The following CRY1 variants were observed in gnomAD, a reference collection of about 807,000 sequenced individuals.
The protein encoded by CRY1 is cryptochrome circadian regulator 1.
In CRY1, 45 loss-of-function variants were observed where a neutral mutation model predicts 76.0. The observed-to-expected ratio is 0.59, with a 90% CI of 0.47 to 0.76. The LOEUF (loss-of-function observed/expected upper bound fraction) is 0.76, where lower values mean the gene tolerates loss of function less well. Ranked by LOEUF, CRY1 falls within the 30% of genes least tolerant of loss-of-function variation. The probability of loss-of-function intolerance (pLI) is 0.00; values close to 1 mark genes in which losing one functional copy is unlikely to be tolerated. For missense variants in CRY1, 587 were observed against 716.4 expected, an observed-to-expected ratio of 0.82 and a Z score of 2.06; for synonymous variants, 248 against 244.0, an observed-to-expected ratio of 1.02 and a Z score of -0.15.
intron 1 of CRY1, among the ~76,000 whole-genome samples, chr12:107,040,451 A>G (rs890809536): frequency 6.6e-6 from 1 of 151,624 alleles, no homozygotes; most frequent in Non-Finnish European, 1.5e-5. Flanking sequence ...ACACCTGGCT[A>G]ATTTTTGTAT....
At chr12:107,079,557 T>C (rs1953297310) in intron 1 of CRY1, among the ~76,000 whole-genome samples, 1 of 152,118 alleles carries the variant, frequency 6.6e-6, no homozygotes, top group Admixed American at 6.6e-5. Flanking sequence ...AACAAAAAAG[T>C]ACTAAACAAC....
At chr12:107,057,886 C>G (rs1209816904) in intron 1 of CRY1, among the ~76,000 whole-genome samples, 1 of 151,498 alleles carries the variant, frequency 6.6e-6, no homozygotes, top group African/African-American at 2.4e-5. Context: ...AAGTGAGACG[C>G]CGTCTCTCCA....
At chr12:107,025,598 C>T (rs1465936256) in intron 1 of CRY1, among the ~76,000 whole-genome samples, 1 of 152,030 alleles carries the variant, frequency 6.6e-6, no homozygotes, top group Non-Finnish European at 1.5e-5. Flanking sequence ...TAGTGTTCTC[C>T]TTCCTTTCCA....
chr12:107,027,501 C>T (rs1055947938), intron 1 of CRY1, among the ~76,000 whole-genome samples: 3 of 152,104 alleles, frequency 2.0e-5, no homozygotes, highest in African/African-American at 7.2e-5. Flanking sequence ...TATAATTGTA[C>T]TGCCTACATA....
rs1038190569 is a variant in CRY1, at chr12:107,013,678, T to C, written c.267+8406A>G. Among the ~76,000 whole-genome samples, 3 of 152,182 alleles carry C rather than the reference T, an allele frequency of 2.0e-5. No individual in the cohort carries two copies. In the South Asian group the frequency reaches 6.2e-4, roughly 32 times the overall value. On this transcript the variant is annotated intron_variant, in intron 2 of 12. Coordinates refer to ENST00000008527, the MANE Select transcript of CRY1 (RefSeq NM_004075.5). Reference sequence around the variant, plus strand: ...GGCTACACTTCAGTATGGTAGGTAGTAGCCACTAGGCCACGTGTGGCTTCT... The same window carrying C: ...GGCTACACTTCAGTATGGTAGGTAGCAGCCACTAGGCCACGTGTGGCTTCT...
At chr12:107,045,627 G>A (rs991356406) in intron 1 of CRY1, among the ~76,000 whole-genome samples, 1 of 152,112 alleles carries the variant, frequency 6.6e-6, no homozygotes, top group Non-Finnish European at 1.5e-5. Context: ...TATGGTTTTA[G>A]GTCTAACATT....
chr12:107,032,718 A>C (rs779062492), intron 1 of CRY1, among the ~76,000 whole-genome samples: 2 of 152,194 alleles, frequency 1.3e-5, no homozygotes, highest in Non-Finnish European at 2.9e-5. Context: ...CAAAGGTGGG[A>C]GGATCGCTCA....
intron 2 of CRY1, among the ~76,000 whole-genome samples, chr12:107,015,572 G>C (rs926586544): frequency 7.9e-5 from 12 of 152,120 alleles, no homozygotes; most frequent in African/African-American, 2.9e-4. Flanking sequence ...CTACTCGTTA[G>C]AGCAGGTTTT....
At chr12:107,010,915 G>C (rs1387163145) in intron 2 of CRY1, among the ~76,000 whole-genome samples, 1 of 152,070 alleles carries the variant, frequency 6.6e-6, no homozygotes, top group Non-Finnish European at 1.5e-5. Flanking sequence ...CTTATTCCCT[G>C]AGACAACAAT....
At chr12:107,007,207 T>C (rs1027904270) in intron 2 of CRY1, among the ~76,000 whole-genome samples, 5 of 152,326 alleles carry the variant, frequency 3.3e-5, no homozygotes, top group Admixed American at 1.3e-4. Flanking sequence ...CTTTGTTTTA[T>C]AGTGAGGTAG....
At chr12:107,043,528 A>T (rs564238840) in intron 1 of CRY1, among the ~76,000 whole-genome samples, 5 of 152,180 alleles carry the variant, frequency 3.3e-5, no homozygotes, top group African/African-American at 1.2e-4. Context: ...CACATCTCAG[A>T]GCTGAGCTGA....
At chr12:107,026,108 T>A (rs1272302336) in intron 1 of CRY1, among the ~76,000 whole-genome samples, 9 of 46,510 alleles carry the variant, frequency 1.9e-4, no homozygotes, top group East Asian at 8.5e-4. Flanking sequence ...AACATATATA[T>A]AAAATATATA....
chr12:107,086,179 A>T lies in CRY1; in HGVS notation c.158+6625T>A, dbSNP rs555139452. Among the ~76,000 whole-genome samples the T allele has an allele frequency of 9.8e-5, 15 of 152,338 alleles. No individual in the cohort carries two copies. In the South Asian group the frequency reaches 2.7e-3, roughly 27 times the overall value. On this transcript the variant is annotated intron_variant, in intron 1 of 12. Coordinates refer to ENST00000008527, the MANE Select transcript of CRY1 (RefSeq NM_004075.5). ...AAGTTTCTAAACAACAAAGCGTTCA[A>T]AAGGTGACATGGCTGCTTCTAACAG...
chr12:107,011,365 A>C (rs566532599), intron 2 of CRY1, among the ~76,000 whole-genome samples: 3,844 of 152,206 alleles, frequency 0.025, 92 homozygotes, highest in African/African-American at 0.056. Context: ...ACAAACAAAA[A>C]AAAAAAACAA....
At chr12:107,029,512 A>G (rs563216659) in intron 1 of CRY1, among the ~76,000 whole-genome samples, 2 of 151,450 alleles carry the variant, frequency 1.3e-5, no homozygotes, top group South Asian at 2.1e-4. Flanking sequence ...AGGAGGATCA[A>G]TTGAGCCTGG....
intron 1 of CRY1, among the ~76,000 whole-genome samples, chr12:107,049,473 C>G (rs1219419994): frequency 6.6e-6 from 1 of 152,122 alleles, no homozygotes; most frequent in East Asian, 1.9e-4. Context: ...CTCCTGGGGT[C>G]AAGTGATTCT....
chr12:107,026,279 T>A (rs1952615175), intron 1 of CRY1, among the ~76,000 whole-genome samples: 1 of 150,276 alleles, frequency 6.7e-6, no homozygotes. Context: ...TCATCCAGGC[T>A]GGAGTGCAGT....
chr12:107,017,629 G>C (rs766754553), intron 2 of CRY1, among the ~76,000 whole-genome samples: 1 of 152,220 alleles, frequency 6.6e-6, no homozygotes, highest in Non-Finnish European at 1.5e-5. Flanking sequence ...GAGGGGAAAA[G>C]TAGAAGCTGA....
intron 2 of CRY1, among the ~76,000 whole-genome samples, chr12:107,006,737 C>T (rs1028213802): frequency 3.4e-5 from 5 of 146,464 alleles, no homozygotes; most frequent in Non-Finnish European, 7.4e-5. Flanking sequence ...CTGCAACCTC[C>T]ACCTCCCAGG....
Sources: allele counts gnomAD v4.1 joint callset (sites outside exome capture counted in the v4.1 genomes callset), GRCh38; gene constraint gnomAD v4.1.1; transcripts MANE v1.5; gene names NCBI Gene and HGNC (gene_info 2026-07-23, HGNC 2026-07-21).